The following GRID2 variants were observed in gnomAD, a reference collection of about 807,000 sequenced individuals.
The protein encoded by GRID2 is glutamate ionotropic receptor delta type subunit 2, also known as glutamate receptor ionotropic, delta-2.
GRID2 carries 33 observed loss-of-function variants against 114.8 expected under a neutral mutation model. That is an observed-to-expected ratio of 0.29 (90% confidence interval 0.22 to 0.38). GRID2 has a LOEUF of 0.38. GRID2 is among the 10% of genes least tolerant of loss of function. The probability of loss-of-function intolerance (pLI) is 1.00; values close to 1 mark genes in which losing one functional copy is unlikely to be tolerated. For missense variants in GRID2, 1,184 were observed against 1,257.7 expected (o/e 0.94, Z 0.89); for synonymous variants, 505 against 449.9 (o/e 1.12, Z -1.55).
intron 2 of GRID2, among the ~76,000 whole-genome samples, chr4:93,018,230 A>C (rs897303648): frequency 5.9e-5 from 9 of 151,794 alleles, no homozygotes; most frequent in African/African-American, 2.2e-4. Flanking sequence ...TTGAAAAAAA[A>C]AAAAAAAACC....
intron 2 of GRID2, among the ~76,000 whole-genome samples, chr4:93,034,153 AAAG>A (rs1301755666): frequency 1.3e-5 from 2 of 152,174 alleles, no homozygotes; most frequent in East Asian, 3.9e-4. Flanking sequence ...CAACATAGGG[AAAG>A]AAGAATAAAG....
chr4:93,106,215 T>C (rs187529272), intron 3 of GRID2, among the ~76,000 whole-genome samples: 69 of 152,326 alleles, frequency 4.5e-4, no homozygotes, highest in African/African-American at 1.5e-3. Flanking sequence ...GAACCATATA[T>C]TCTTTATTTT....
At chr4:92,717,169 T>C (rs1735591167) in intron 2 of GRID2, among the ~76,000 whole-genome samples, 1 of 152,132 alleles carries the variant, frequency 6.6e-6, no homozygotes, top group South Asian at 2.1e-4. Flanking sequence ...CTATCTCCAT[T>C]CTTCTTTATG....
At chr4:92,721,700 T>C (rs980345082) in intron 2 of GRID2, among the ~76,000 whole-genome samples, 7 of 152,168 alleles carry the variant, frequency 4.6e-5, no homozygotes, top group African/African-American at 1.2e-4. Flanking sequence ...TACCTTTTTC[T>C]GTAAATATTT....
intron 14 of GRID2, among the ~76,000 whole-genome samples, chr4:93,755,013 G>A (rs1732622325): frequency 6.6e-6 from 1 of 152,160 alleles, no homozygotes; most frequent in African/African-American, 2.4e-5. Flanking sequence ...CATCAAGTAA[G>A]TAAACGTTGT....
intron 13 of GRID2, among the ~76,000 whole-genome samples, chr4:93,576,603 T>G (rs1265266324): frequency 6.6e-6 from 1 of 152,238 alleles, no homozygotes; most frequent in Non-Finnish European, 1.5e-5. Flanking sequence ...ATCTATATAT[T>G]TTTCAAATAT....
chr4:93,422,273 A>G (rs1203753947), intron 9 of GRID2, among the ~76,000 whole-genome samples: 1 of 152,210 alleles, frequency 6.6e-6, no homozygotes, highest in African/African-American at 2.4e-5. Flanking sequence ...AAAATTACTT[A>G]GTGAATAACT....
At chr4:92,318,268 C>T (rs1579170851) in intron 1 of GRID2, among the ~76,000 whole-genome samples, 2 of 144,294 alleles carry the variant, frequency 1.4e-5, no homozygotes, top group Non-Finnish European at 1.5e-5. Flanking sequence ...GGTTGTTTCA[C>T]AAGTGTTGGA....
At chr4:93,130,435 C>A (rs1381294488) in intron 4 of GRID2, among the ~76,000 whole-genome samples, 1 of 152,020 alleles carries the variant, frequency 6.6e-6, no homozygotes, top group Non-Finnish European at 1.5e-5. Flanking sequence ...CAGAGCAAAA[C>A]CCTGTCTCAG....
At chr4:92,470,177 T>G (rs1721963533) in intron 1 of GRID2, among the ~76,000 whole-genome samples, 1 of 151,868 alleles carries the variant, frequency 6.6e-6, no homozygotes, top group Non-Finnish European at 1.5e-5. Flanking sequence ...TCATTGGAAA[T>G]TCTACAGCTC....
chr4:93,104,370 A>G (rs1183437813), intron 3 of GRID2, among the ~76,000 whole-genome samples: 1 of 152,096 alleles, frequency 6.6e-6, no homozygotes, highest in Non-Finnish European at 1.5e-5. Flanking sequence ...GGTTAGTTAC[A>G]TATGTATACA....
At chr4:92,477,769 T>A (rs574911904) in intron 1 of GRID2, among the ~76,000 whole-genome samples, 45 of 147,674 alleles carry the variant, frequency 3.0e-4, no homozygotes, top group African/African-American at 1.0e-3. Context: ...ATATCCTCTT[T>A]TATATATATT....
intron 8 of GRID2, among the ~76,000 whole-genome samples, chr4:93,321,795 T>C (rs1422661959): frequency 2.0e-5 from 3 of 151,980 alleles, no homozygotes; most frequent in Admixed American, 6.6e-5. Flanking sequence ...AATTTCACAT[T>C]TGTGATTAAC....
chr4:92,467,057 T>G (rs926597037), intron 1 of GRID2, among the ~76,000 whole-genome samples: 2 of 151,806 alleles, frequency 1.3e-5, no homozygotes, highest in African/African-American at 4.8e-5. Flanking sequence ...AGAGAACATT[T>G]TAATTATTGT....
At chr4:92,679,030 AAATT>A (rs1374814777) in intron 2 of GRID2, among the ~76,000 whole-genome samples, 2 of 151,438 alleles carry the variant, frequency 1.3e-5, no homozygotes, top group Admixed American at 1.3e-4. Flanking sequence ...TGTCCCTTGG[AAATT>A]AATTAAATAT....
At chr4:93,270,221 C>T (rs1244878836) in intron 8 of GRID2, among the ~76,000 whole-genome samples, 102 of 99,070 alleles carry the variant, frequency 1.0e-3, no homozygotes, top group African/African-American at 7.8e-3. Flanking sequence ...CACATACACA[C>T]ACACACACAC....
intron 8 of GRID2, among the ~76,000 whole-genome samples, chr4:93,342,388 G>A (rs968511772): frequency 1.3e-5 from 2 of 151,894 alleles, no homozygotes; most frequent in Non-Finnish European, 2.9e-5. Flanking sequence ...ATTTCCCAGG[G>A]CTAGTTTCTT....
intron 3 of GRID2, among the ~76,000 whole-genome samples, chr4:93,106,314 TG>T (rs1732226073): frequency 6.6e-6 from 1 of 152,206 alleles, no homozygotes; most frequent in Non-Finnish European, 1.5e-5. Flanking sequence ...ATGATGTTTG[TG>T]TTCATTGAAC....
intron 8 of GRID2, among the ~76,000 whole-genome samples, chr4:93,357,332 T>C (rs1000955896): frequency 3.3e-5 from 5 of 151,402 alleles, no homozygotes; most frequent in African/African-American, 4.8e-5. Context: ...ATTTTTCTTA[T>C]TAATTCAAGA....
Sources: gnomAD v4.1 joint callset for allele counts (sites outside exome capture counted in the v4.1 genomes callset) on GRCh38, gnomAD v4.1.1 for gene constraint, MANE v1.5 for transcripts, NCBI Gene and HGNC (gene_info 2026-07-23, HGNC 2026-07-21) for gene names.